TXLNB: variants seen among roughly 807,000 people sequenced by gnomAD.
TXLNB encodes the protein taxilin beta.
A neutral mutation model predicts 57.4 loss-of-function variants in TXLNB; 37 were observed. The observed-to-expected ratio is 0.64, with a 90% confidence interval of 0.50 to 0.85. The LOEUF is 0.85. Among genes scored for constraint, TXLNB ranks in the 40% least tolerant of loss-of-function variants. The pLI is 0.00. For synonymous variants in TXLNB, 302 were observed against 309.6 expected (o/e 0.98, Z 0.26); for missense variants, 848 against 825.6 (o/e 1.03, Z -0.33).
chr6:139,279,997 C>T (rs545537808), intron 2 of TXLNB, among the ~76,000 whole-genome samples: 129 of 152,132 alleles, frequency 8.5e-4, no homozygotes, highest in African/African-American at 2.8e-3. Context: ...AAAAACTGGC[C>T]GAGCGTGGTG....
chr6:139,208,406 G>A, the TXLNB span, among the ~76,000 whole-genome samples: 2 of 152,100 alleles, frequency 1.3e-5, no homozygotes, highest in African/African-American at 4.8e-5. Flanking sequence ...TATTCCAAAA[G>A]ATAGAGAAAG....
the TXLNB span, among the ~76,000 whole-genome samples, chr6:139,223,649 A>T: frequency 1.3e-5 from 2 of 151,816 alleles, no homozygotes; most frequent in African/African-American, 4.8e-5. Flanking sequence ...ATGAACAGAC[A>T]CTTCTCAAAA....
At chr6:139,316,720 G>C in the TXLNB span, among the ~76,000 whole-genome samples, 1 of 152,356 alleles carries the variant, frequency 6.6e-6, no homozygotes, top group Non-Finnish European at 1.5e-5. Context: ...GGAGACATCT[G>C]AGAACAACTA....
chr6:139,226,860 C>G, the TXLNB span, among the ~76,000 whole-genome samples: 107 of 152,108 alleles, frequency 7.0e-4, no homozygotes, highest in Admixed American at 1.2e-3. Flanking sequence ...AACCCCGTCT[C>G]TACAAAAGAT....
At chr6:139,245,502 T>C (rs1776046419) in intron 8 of TXLNB, 1 of 152,172 alleles carries the variant, frequency 6.6e-6, no homozygotes, top group African/African-American at 2.4e-5. Context: ...GAACGAGGCA[T>C]GTACTCAGGT....
At chr6:139,264,543 T>TTTTTGTTTTGTTTTGTTTTG (rs199910457) in intron 4 of TXLNB, among the ~76,000 whole-genome samples, 1 of 150,674 alleles carries the variant, frequency 6.6e-6, no homozygotes, top group African/African-American at 2.5e-5. Flanking sequence ...ATATATATAT[T>TTTTTGTTTTGTTTTGTTTTG]TTTTGTTTTG....
At chr6:139,270,686 G>GA (rs977581796) in intron 3 of TXLNB, 60 bp from the exon 4 acceptor site, 282 of 1,474,892 alleles carry the variant, frequency 1.9e-4, no homozygotes, top group Non-Finnish European at 2.5e-4. Flanking sequence ...GGAGTGGATA[G>GA]AAAAAAAGCA....
chr6:139,244,947 C>T (rs2114430547), intron 8 of TXLNB, among the ~76,000 whole-genome samples: 1 of 152,310 alleles, frequency 6.6e-6, no homozygotes, highest in East Asian at 1.9e-4. Flanking sequence ...GGTTTTGTCA[C>T]TGCTTTTTCT....
At chr6:139,313,167 G>A in the TXLNB span, among the ~76,000 whole-genome samples, 2 of 151,824 alleles carry the variant, frequency 1.3e-5, no homozygotes, top group East Asian at 3.9e-4. Context: ...CTGCCTCCCG[G>A]GTTCACGCCA....
intron 8 of TXLNB, among the ~76,000 whole-genome samples, chr6:139,246,357 C>T (rs940861453): frequency 8.5e-5 from 13 of 152,054 alleles, no homozygotes; most frequent in African/African-American, 2.9e-4. Flanking sequence ...TAAAATTTGT[C>T]ATAATATTTT....
At chr6:139,255,722 G>A (rs1582999931) in intron 6 of TXLNB, 84 bp from the exon 7 acceptor site, 1 of 1,049,162 alleles carries the variant, frequency 9.5e-7, no homozygotes, top group Non-Finnish European at 1.4e-6. Context: ...ACAAAACTTA[G>A]CAACCTGCTC....
chr6:139,204,911 C>T, the TXLNB span, among the ~76,000 whole-genome samples: 6 of 152,130 alleles, frequency 3.9e-5, no homozygotes, highest in Non-Finnish European at 5.9e-5. Context: ...AACATTATCC[C>T]GATGGCCTGA....
At chr6:139,302,636 A>T in the TXLNB span, among the ~76,000 whole-genome samples, 1 of 149,430 alleles carries the variant, frequency 6.7e-6, no homozygotes, top group African/African-American at 2.5e-5. Context: ...ATTAGCTGGG[A>T]ATGGTGGCGG....
chr6:139,214,717 T>TA, the TXLNB span, among the ~76,000 whole-genome samples: 1 of 152,334 alleles, frequency 6.6e-6, no homozygotes, highest in Admixed American at 6.5e-5. Flanking sequence ...CACGATTGTA[T>TA]ATCTAGAACC....
At chr6:139,291,896 T>C (rs959459214) in intron 1 of TXLNB, 25 bp downstream of exon 1, 2 of 152,182 alleles carry the variant, frequency 1.3e-5, no homozygotes, top group Admixed American at 6.6e-5. Flanking sequence ...CTCACAGGGC[T>C]TGGGGGAGTG....
the TXLNB span, among the ~76,000 whole-genome samples, chr6:139,204,972 G>C: frequency 6.6e-6 from 1 of 152,182 alleles, no homozygotes; most frequent in Admixed American, 6.5e-5. Flanking sequence ...CCCAAGGAGA[G>C]TCTGAGCTCA....
chr6:139,281,050 ATTTATTTT>A lies in TXLNB; in HGVS notation c.425-4137_425-4130del, dbSNP rs538603539. ...CATCAACTAGTTGAGTGATTTATTT[ATTTATTTT>A]TTTATTTTTTTATTTTTATTATTTT... On this transcript the variant is annotated intron_variant, in intron 2 of 9. Transcript: ENST00000358430. Among the ~76,000 whole-genome samples the A allele has an allele frequency of 2.6e-4, 38 of 147,936 alleles. 1 individual carries two copies. The highest frequency in any genetic ancestry group is 3.4e-3 in the Middle Eastern group (1 of 292).
chr6:139,172,076 C>T, the TXLNB span, among the ~76,000 whole-genome samples: 4,501 of 152,228 alleles, frequency 0.03, 118 homozygotes, highest in Non-Finnish European at 0.043. Flanking sequence ...GGTGATCTAC[C>T]CGCCTTGGCC....
At chr6:139,228,275 G>A in the TXLNB span, among the ~76,000 whole-genome samples, 1 of 152,114 alleles carries the variant, frequency 6.6e-6, no homozygotes, top group Non-Finnish European at 1.5e-5. Flanking sequence ...CAGCACTTTG[G>A]GAGGCCGAGG....
Sources: allele counts gnomAD v4.1 joint callset (sites outside exome capture counted in the v4.1 genomes callset), GRCh38; gene constraint gnomAD v4.1.1; transcripts MANE v1.5; gene names NCBI Gene and HGNC (gene_info 2026-07-23, HGNC 2026-07-21).